FRMD4A: variants seen among roughly 807,000 people sequenced by gnomAD.
FRMD4A encodes the protein FERM domain-containing protein 4A.
A neutral mutation model predicts 129.1 loss-of-function variants in FRMD4A; 29 were observed. The ratio of observed to expected loss-of-function variants is 0.22; its 90% CI spans 0.17 to 0.31. The LOEUF is 0.31. Among genes scored for constraint, FRMD4A ranks in the 10% least tolerant of loss-of-function variants. The pLI, the probability that FRMD4A is intolerant of heterozygous loss-of-function variation, is 1.00. For synonymous variants in FRMD4A, 634 were observed against 571.6 expected (o/e 1.11, Z -1.56); for missense variants, 1,272 against 1,375.8 (o/e 0.92, Z 1.19).
chr10:13,798,972 C>T (rs1038054965), intron 4 of FRMD4A, among the ~76,000 whole-genome samples: 14 of 152,118 alleles, frequency 9.2e-5, no homozygotes, highest in African/African-American at 3.4e-4. Flanking sequence ...TGAGGTCCGG[C>T]CCATCCCGCA....
chr10:13,685,738 T>G, intron 15 of FRMD4A: 1 of 530,350 alleles, frequency 1.9e-6, no homozygotes, highest in Non-Finnish European at 2.4e-6. Context: ...AGCCCAGGAG[T>G]TTGAGGCTGG....
intron 2 of FRMD4A, among the ~76,000 whole-genome samples, chr10:14,293,972 T>C (rs891602990): frequency 1.3e-5 from 2 of 152,186 alleles, no homozygotes; most frequent in African/African-American, 4.8e-5. Flanking sequence ...TGATTCCAGT[T>C]ATATAGAGTT....
At chr10:13,721,693 C>T (rs1344217897) in intron 12 of FRMD4A, among the ~76,000 whole-genome samples, 4 of 152,182 alleles carry the variant, frequency 2.6e-5, no homozygotes, top group Non-Finnish European at 4.4e-5. Context: ...AGCACCAGGC[C>T]GGCTGGGGCA....
chr10:13,731,000 C>T (rs970862637), intron 12 of FRMD4A, among the ~76,000 whole-genome samples: 5 of 151,318 alleles, frequency 3.3e-5, no homozygotes. Flanking sequence ...TGCACTCCAG[C>T]CTGGGAGACA....
chr10:14,232,798 G>A (rs149186954), intron 2 of FRMD4A, among the ~76,000 whole-genome samples: 1 of 152,272 alleles, frequency 6.6e-6, no homozygotes, highest in Non-Finnish European at 1.5e-5. Context: ...TGCTGAAGTT[G>A]GTTATCAGAT....
intron 2 of FRMD4A, among the ~76,000 whole-genome samples, chr10:14,298,799 T>C (rs150388356): frequency 6.6e-6 from 1 of 152,056 alleles, no homozygotes; most frequent in Non-Finnish European, 1.5e-5. Context: ...AGGATGGAAG[T>C]AGCTGTTAGG....
chr10:14,057,017 T>TACAGAA (rs1279977537), intron 2 of FRMD4A, among the ~76,000 whole-genome samples: 1 of 152,126 alleles, frequency 6.6e-6, no homozygotes, highest in African/African-American at 2.4e-5. Context: ...GAAGCCTGAG[T>TACAGAA]CAGTGGCAAT....
intron 2 of FRMD4A, among the ~76,000 whole-genome samples, chr10:14,115,316 C>G (rs189324813): frequency 6.6e-6 from 1 of 152,186 alleles, no homozygotes; most frequent in Non-Finnish European, 1.5e-5. Flanking sequence ...TGCAAAAGTC[C>G]CAGGCCATCT....
chr10:13,957,803 C>G (rs1311129493), intron 2 of FRMD4A, among the ~76,000 whole-genome samples: 1 of 152,128 alleles, frequency 6.6e-6, no homozygotes, highest in Non-Finnish European at 1.5e-5. Context: ...ATCTTTCTGG[C>G]CCCTAAAACT....
intron 2 of FRMD4A, among the ~76,000 whole-genome samples, chr10:14,291,238 A>T (rs11598717): frequency 0.09 from 13,774 of 152,234 alleles, 762 homozygotes; most frequent in Middle Eastern, 0.23. Flanking sequence ...TACCATCTAA[A>T]ATTTGTAATG....
At chr10:13,803,865 A>G (rs2093308589) in intron 4 of FRMD4A, among the ~76,000 whole-genome samples, 1 of 152,218 alleles carries the variant, frequency 6.6e-6, no homozygotes, top group Non-Finnish European at 1.5e-5. Context: ...CACAGCTCCC[A>G]TCCTAAGCAA....
At chr10:14,297,137 A>ATT (rs34998308) in intron 2 of FRMD4A, among the ~76,000 whole-genome samples, 60 of 146,950 alleles carry the variant, frequency 4.1e-4, no homozygotes, top group East Asian at 6.0e-4. Context: ...TCTCTTTCTC[A>ATT]TTTTTTTTTT....
At chr10:13,720,511 CTG>C (rs144902584) in intron 12 of FRMD4A, among the ~76,000 whole-genome samples, 1,752 of 152,274 alleles carry the variant, frequency 0.012, 70 homozygotes, top group South Asian at 0.11. Flanking sequence ...GGACCTGGCA[CTG>C]TGTCAGGCAC....
chr10:13,922,623 G>A (rs144207616), intron 2 of FRMD4A, among the ~76,000 whole-genome samples: 9 of 152,250 alleles, frequency 5.9e-5, no homozygotes, highest in Admixed American at 3.3e-4. Flanking sequence ...TTGAACTAGA[G>A]GGCAAAATTC....
intron 2 of FRMD4A, among the ~76,000 whole-genome samples, chr10:14,146,872 G>T (rs1004814501): frequency 6.6e-6 from 1 of 152,206 alleles, no homozygotes; most frequent in Non-Finnish European, 1.5e-5. Flanking sequence ...CACGTAATCA[G>T]TTGAGGCAAA....
intron 2 of FRMD4A, among the ~76,000 whole-genome samples, chr10:14,325,743 T>G (rs1475585268): frequency 6.6e-6 from 1 of 152,172 alleles, no homozygotes; most frequent in African/African-American, 2.4e-5. Flanking sequence ...CAGCAAATAT[T>G]TGTTGGTTAG....
chr10:14,194,748 C>T (rs915971777), intron 2 of FRMD4A, among the ~76,000 whole-genome samples: 3 of 152,060 alleles, frequency 2.0e-5, no homozygotes, highest in African/African-American at 7.2e-5. Flanking sequence ...CTCCTTAAAG[C>T]ACGTAAAATC....
chr10:13,721,855 G>A (rs1330580686), intron 12 of FRMD4A, among the ~76,000 whole-genome samples: 1 of 152,214 alleles, frequency 6.6e-6, no homozygotes, highest in Admixed American at 6.5e-5. Flanking sequence ...AAATACACAT[G>A]TGCATGCCTA....
intron 11 of FRMD4A, among the ~76,000 whole-genome samples, chr10:13,738,360 T>C (rs1391656094): frequency 6.6e-6 from 1 of 152,122 alleles, no homozygotes; most frequent in Non-Finnish European, 1.5e-5. Context: ...TCATCGATGG[T>C]CAGAGCCAGA....
Sources: allele counts gnomAD v4.1 joint callset (sites outside exome capture counted in the v4.1 genomes callset), GRCh38; gene constraint gnomAD v4.1.1; transcripts MANE v1.5; gene names NCBI Gene and HGNC (gene_info 2026-07-23, HGNC 2026-07-21).